Variants in HERC2 observed in about 807,000 individuals in gnomAD.
HERC2 encodes the protein E3 ubiquitin-protein ligase HERC2.
Under a neutral mutation model 537.7 loss-of-function variants are expected in HERC2, and 102 were observed. That is an observed-to-expected ratio of 0.19 (90% CI 0.16 to 0.22). The LOEUF is 0.22. Ranked by LOEUF, HERC2 falls within the 10% of genes least tolerant of loss-of-function variation. HERC2 has a pLI of 1.00. For synonymous variants in HERC2, 2,224 were observed against 2,466.2 expected (o/e 0.90, Z 2.91); for missense variants, 4,236 against 6,198.2 (o/e 0.68, Z 10.63).
At position 28,215,678 on chromosome 15, in the gene HERC2, C is replaced by T; in HGVS notation, c.6153G>A (p.Leu2051=). The T allele has an allele frequency of 6.2e-7, 1 of 1,611,974 alleles. No homozygotes were observed. Residue 2051 remains leucine (L), a synonymous_variant, in exon 39 of 93, where the codon CTG becomes CTA. Coordinates refer to ENST00000261609, the MANE Select transcript of HERC2 (RefSeq NM_004667.6). ...CGTGCCCTTCCACGACCTTCATGAG[C>T]AGCGTGATCCACTGCGGGGAGCTGA... ...GALSSPQWIT[L]LMKVVEGHAP... is the part of the protein sequence containing the mutation.
chr15:28,114,880 T>C, intron 89 of HERC2, 78 bp from the exon 90 acceptor site: 4 of 1,254,532 alleles, frequency 3.2e-6, no homozygotes, highest in Non-Finnish European at 4.6e-6. Flanking sequence ...CCCAGCACAC[T>C]CTGTCAAGCA....
At chr15:28,295,308 T>TGGGGGGGGGGGG (rs3079935) in intron 3 of HERC2, among the ~76,000 whole-genome samples, 2 of 79,622 alleles carry the variant, frequency 2.5e-5, no homozygotes, top group African/African-American at 9.5e-5. Context: ...TACATGTGTG[T>TGGGGGGGGGGGG]GGGGGGGGGG....
chr15:28,252,035 G>A (rs896426279), intron 20 of HERC2, among the ~76,000 whole-genome samples: 2 of 152,152 alleles, frequency 1.3e-5, no homozygotes, highest in Non-Finnish European at 2.9e-5. Flanking sequence ...ATACACAGTT[G>A]ACGAAGTAGA....
rs138699937 is a variant in HERC2, at chr15:28,236,979, G to A, written c.3987C>T (p.Val1329=). The A allele has an allele frequency of 8.7e-4, 1,406 of 1,611,648 alleles. 1 individual carries two copies. Among genetic ancestry groups the A allele is most frequent in the Non-Finnish European group, 1.1e-3 (1,324 of 1,179,730 alleles). ...YLAMSTPLSP[V]EIECAKWLQS... is the part of the protein sequence containing the mutation. The stretch of plus-strand genomic sequence containing the variant: ...TTTTCTTACTGGCACATTCAATCTC[G>A]ACAGGAGACAGCGGTGTGCTCATTG... The change falls in exon 26 of 93, where the codon GTC becomes GTT. Residue 1329 remains valine (V), a synonymous_variant. Coordinates refer to ENST00000261609, the MANE Select transcript of HERC2 (RefSeq NM_004667.6).
At chr15:28,306,527 T>A (rs2076793865) in intron 2 of HERC2, among the ~76,000 whole-genome samples, 1 of 152,206 alleles carries the variant, frequency 6.6e-6, no homozygotes, top group African/African-American at 2.4e-5. Context: ...CTGGCCTGTT[T>A]TGTTTTTTTG....
At position 28,177,478 on chromosome 15, in the gene HERC2, A is replaced by G. The variant is rs755900411; in HGVS notation, c.9195T>C (p.Asp3065=). The G allele has an allele frequency of 3.2e-5, 52 of 1,614,146 alleles. No homozygotes were observed. The highest frequency in any genetic ancestry group is 5.0e-5 in the Admixed American group (3 of 60,006). ...GGRHATALTV[D]GKVFSWGEGD... ...CTTCGCCCCACGAAAACACTTTTCC[A>G]TCGACAGTTAAAGCCGTCGCGTGCC... Residue 3065 remains aspartate, a synonymous_variant, in exon 60 of 93, where the codon GAT becomes GAC. Coordinates refer to ENST00000261609, the MANE Select transcript of HERC2 (RefSeq NM_004667.6). The surrounding 1 kb of genome is among the most constrained non-coding windows in gnomAD (Gnocchi z 5.0).
chr15:28,237,651 G>A (rs189738667), intron 25 of HERC2, among the ~76,000 whole-genome samples: 1 of 152,204 alleles, frequency 6.6e-6, no homozygotes, highest in South Asian at 2.1e-4. Flanking sequence ...TTTAAGCCCT[G>A]CCCTAATGGC....
intron 9 of HERC2, 98 bp downstream of exon 9, chr15:28,272,117 C>T (rs2075746822): frequency 8.9e-7 from 1 of 1,122,324 alleles, no homozygotes. Flanking sequence ...ACACACACGC[C>T]AGAGAAAAAC....
At chr15:28,289,396 C>T (rs931561544) in intron 4 of HERC2, among the ~76,000 whole-genome samples, 28 of 81,778 alleles carry the variant, frequency 3.4e-4, no homozygotes, top group Non-Finnish European at 2.3e-4. Context: ...AAAGTGCATG[C>T]ACCTTATAAC....
At chr15:28,309,885 C>G (rs558296876) in intron 2 of HERC2, among the ~76,000 whole-genome samples, 15 of 152,360 alleles carry the variant, frequency 9.8e-5, no homozygotes, top group Admixed American at 4.6e-4. Flanking sequence ...ACAGCTTTCT[C>G]TCAGCACTCT....
chr15:28,247,571 G>A (rs910915136), intron 21 of HERC2, among the ~76,000 whole-genome samples: 25 of 152,130 alleles, frequency 1.6e-4, no homozygotes, highest in Admixed American at 1.4e-3. Context: ...TGGGATTACA[G>A]GCACCTGCCA....
At position 28,113,543 on chromosome 15, in the gene HERC2, C is replaced by G; in HGVS notation, c.14019+30G>C. The stretch of plus-strand genomic sequence containing the variant: ...TGGGTCAGCAGGCAAAAGGCAGCTG[C>G]AGGGCAGCCCCACCTGGGGGTCGGC... On this transcript the variant is annotated intron_variant, in intron 91 of 92. Coordinates refer to ENST00000261609, the MANE Select transcript of HERC2 (RefSeq NM_004667.6). The surrounding 1 kb of genome is among the most constrained non-coding windows in gnomAD (Gnocchi z 7.0). The G allele has an allele frequency of 6.3e-7, 1 of 1,584,756 alleles. No homozygotes were observed. The highest frequency in any genetic ancestry group is 1.1e-5 in the South Asian group (1 of 90,462).
chr15:28,275,109 G>T lies in HERC2; in HGVS notation c.543-104C>A. 5 of 584,984 alleles carry T rather than the reference G, an allele frequency of 8.5e-6. No homozygotes were observed. The South Asian group carries it at 1.1e-4, about 13-fold the overall frequency. The allele number at this position is 584,984 out of a possible 1,614,324, so 36.2% of individuals were successfully genotyped here. The stretch of plus-strand genomic sequence containing the variant: ...GGGTGTGTACCAAAATCCGACCAAT[G>T]GTTTTCTTCAAGTGACAGGATCACA... On this transcript the variant is annotated intron_variant, in intron 5 of 92. Transcript: ENST00000261609.
chr15:28,245,570 C>T (rs1300957620), intron 23 of HERC2, among the ~76,000 whole-genome samples: 756 of 59,914 alleles, frequency 0.013, 5 homozygotes, highest in African/African-American at 0.058. Flanking sequence ...AATATATACA[C>T]ACACACACAC....
chr15:28,172,479 T>C (rs1267037976), intron 65 of HERC2, among the ~76,000 whole-genome samples: 3 of 152,140 alleles, frequency 2.0e-5, no homozygotes, highest in African/African-American at 7.2e-5. Flanking sequence ...CATACATCCA[T>C]AGACAACTGA....
chr15:28,195,721 A>T (rs1418901836), intron 52 of HERC2, among the ~76,000 whole-genome samples: 1 of 152,096 alleles, frequency 6.6e-6, no homozygotes, highest in Non-Finnish European at 1.5e-5. Context: ...AGAGTTTCTG[A>T]TCGGAGTGGT....
chr15:28,214,825 G>T, intron 39 of HERC2, 23 bp from the exon 40 acceptor site: 1 of 1,586,824 alleles, frequency 6.3e-7, no homozygotes. Context: ...AATTTATAAC[G>T]ACAAGCATTA....
At chr15:28,220,162 T>C (rs1178042892) in intron 37 of HERC2, among the ~76,000 whole-genome samples, 1 of 152,124 alleles carries the variant, frequency 6.6e-6, no homozygotes, top group Admixed American at 6.5e-5. Context: ...GACTCACTGG[T>C]GGTGCAGCTG....
Position 28,113,888 on chromosome 15 carries a change from C to T in HERC2, c.13914-210G>A, listed in dbSNP as rs575007455. On this transcript the variant is annotated intron_variant, in intron 90 of 92. Coordinates refer to ENST00000261609, the MANE Select transcript of HERC2 (RefSeq NM_004667.6). This position sits in a 1 kb window ranked among gnomAD's most constrained non-coding sequence, Gnocchi z 7.0. ...CTCATCTCGTCCAGCCGACAGGGTA[C>T]GGCCTAATGACCACCTACAGCTATG... Among the ~76,000 whole-genome samples, 10 of 152,282 alleles carry T rather than the reference C, an allele frequency of 6.6e-5. No homozygotes were observed. Among genetic ancestry groups the T allele is most frequent in the African/African-American group, 1.7e-4 (7 of 41,550 alleles).
Sources: allele counts gnomAD v4.1 joint callset (sites outside exome capture counted in the v4.1 genomes callset), GRCh38; gene constraint gnomAD v4.1.1; non-coding constraint Gnocchi (gnomAD v3.1); transcripts MANE v1.5; gene names NCBI Gene and HGNC (gene_info 2026-07-23, HGNC 2026-07-21).